PDE6A: variants seen among roughly 807,000 people sequenced by gnomAD.
PDE6A encodes the protein rod cGMP-specific 3',5'-cyclic phosphodiesterase subunit alpha.
A neutral mutation model predicts 106.3 loss-of-function variants in PDE6A; 84 were observed. That is an observed-to-expected ratio of 0.79 (90% confidence interval 0.66 to 0.95). The LOEUF is 0.95. PDE6A is among the 40% of genes least tolerant of loss of function. The pLI is 0.00. For synonymous variants in PDE6A, 394 were observed against 386.6 expected (o/e 1.02, Z -0.23); for missense variants, 1,052 against 1,084.9 (o/e 0.97, Z 0.43).
At position 149,886,986 on chromosome 5, in the gene PDE6A, C is replaced by T. The variant is rs144863407; in HGVS notation, c.1729-612G>A. Among the ~76,000 whole-genome samples the T allele has an allele frequency of 2.8e-3, 419 of 152,232 alleles. 1 individual carries two copies. Among genetic ancestry groups the T allele is most frequent in the African/African-American group, 9.3e-3 (387 of 41,528 alleles). Reference sequence around the variant, plus strand: ...GTAGCCTGGTCAGAATTCCTGCTTCCGGGCCCTAGCACCTACTCTGGCCTG... The same window carrying T: ...GTAGCCTGGTCAGAATTCCTGCTTCTGGGCCCTAGCACCTACTCTGGCCTG... On this transcript the variant is annotated intron_variant, in intron 13 of 21. Coordinates refer to ENST00000255266, the MANE Select transcript of PDE6A (RefSeq NM_000440.3).
intron 5 of PDE6A, among the ~76,000 whole-genome samples, chr5:149,915,535 C>T (rs375604147): frequency 6.6e-6 from 1 of 152,192 alleles, no homozygotes. Context: ...TTCTGGTGCT[C>T]CCTGTCCTCT....
intron 13 of PDE6A, among the ~76,000 whole-genome samples, chr5:149,889,840 G>A (rs1297856410): frequency 3.3e-5 from 5 of 149,952 alleles, no homozygotes; most frequent in Non-Finnish European, 1.5e-5. Flanking sequence ...CCAGGAAGCA[G>A]AGGTTGCAGT....
rs751895061 is a variant in PDE6A, at chr5:149,883,547, T to A, written c.2028-11A>T. On this transcript the variant is annotated splice_polypyrimidine_tract_variant and intron_variant, in intron 16 of 21. Transcript: ENST00000255266. ...AACATCGTCCTCTTCCTACAAAACA[T>A]ATCAGTCTAGTAAAGGGAGCAAGTC... The A allele has an allele frequency of 1.3e-6, 2 of 1,577,210 alleles. No homozygotes were observed. The highest frequency in any genetic ancestry group is 2.7e-5 in the African/African-American group (2 of 74,166).
chr5:149,895,974 A>AC (rs1475119925), intron 12 of PDE6A, among the ~76,000 whole-genome samples: 1 of 152,110 alleles, frequency 6.6e-6, no homozygotes, highest in African/African-American at 2.4e-5. Context: ...GTCCCCCATG[A>AC]CCCTAGACTC....
At chr5:149,924,721 A>C (rs1753825043) in intron 4 of PDE6A, among the ~76,000 whole-genome samples, 1 of 152,240 alleles carries the variant, frequency 6.6e-6, no homozygotes, top group African/African-American at 2.4e-5. Flanking sequence ...TATAGCCGGC[A>C]AGGCAGCAGG....
intron 17 of PDE6A, among the ~76,000 whole-genome samples, chr5:149,881,193 T>C (rs1760907715): frequency 6.6e-6 from 1 of 152,164 alleles, no homozygotes. Context: ...GTTTGGAGTT[T>C]CCTCAAAGAA....
chr5:149,914,862 A>G (rs1452399449), intron 6 of PDE6A, 81 bp downstream of exon 6: 1 of 932,276 alleles, frequency 1.1e-6, no homozygotes, highest in Non-Finnish European at 1.8e-6. Flanking sequence ...AGTGTTGCCC[A>G]ATTCCAGAAT....
At chr5:149,883,291 C>T in intron 17 of PDE6A, 138 bp downstream of exon 17, 1 of 687,440 alleles carries the variant, frequency 1.5e-6, no homozygotes. Flanking sequence ...TTTGGCATAA[C>T]TTCATTTTTT....
chr5:149,876,628 CA>C (rs1254825919), intron 17 of PDE6A, among the ~76,000 whole-genome samples: 2 of 152,024 alleles, frequency 1.3e-5, no homozygotes, highest in African/African-American at 4.8e-5. Flanking sequence ...TCAGCCTCCA[CA>C]GTAGCTGGGA....
At chr5:149,903,245 T>C (rs376178442) in intron 8 of PDE6A, among the ~76,000 whole-genome samples, 1 of 150,514 alleles carries the variant, frequency 6.6e-6, no homozygotes, top group East Asian at 1.9e-4. Flanking sequence ...ACAACTTTAA[T>C]GTCTGAATCT....
chr5:149,872,971 A>G (rs1179147933), intron 17 of PDE6A, among the ~76,000 whole-genome samples: 1 of 152,216 alleles, frequency 6.6e-6, no homozygotes, highest in Non-Finnish European at 1.5e-5. Flanking sequence ...GCAGCCGTAG[A>G]TAAGCACAGC....
intron 4 of PDE6A, among the ~76,000 whole-genome samples, chr5:149,928,904 C>A (rs1581207792): frequency 6.6e-6 from 1 of 152,162 alleles, no homozygotes; most frequent in East Asian, 1.9e-4. Context: ...AAATATTCAA[C>A]CTCATCAGTC....
At chr5:149,907,242 G>C in intron 7 of PDE6A, 70 bp downstream of exon 7, 1 of 1,160,920 alleles carries the variant, frequency 8.6e-7, no homozygotes, top group East Asian at 2.3e-5. Context: ...CTCTCTTCTT[G>C]ATCTGAAATC....
intron 4 of PDE6A, among the ~76,000 whole-genome samples, chr5:149,923,187 T>C (rs1164726832): frequency 6.6e-6 from 1 of 152,164 alleles, no homozygotes; most frequent in Non-Finnish European, 1.5e-5. Flanking sequence ...ATAAACTCTG[T>C]TGAATTTGTT....
Position 149,895,172 on chromosome 5 carries a change from C to T in PDE6A, c.1728+11G>A. On this transcript the variant is annotated intron_variant, in intron 13 of 21. Transcript: ENST00000255266. ...AAGCCCACCCTACCAGCCCCACCGGCCCCGCCATACCACCAGCAGGGAGAA... is the reference window on the plus strand; with the variant it reads ...AAGCCCACCCTACCAGCCCCACCGGTCCCGCCATACCACCAGCAGGGAGAA... 6.3e-7 allele frequency: 1 copy of T among 1,586,148 alleles called. No individual in the cohort carries two copies. The highest frequency in any genetic ancestry group is 1.1e-5 in the South Asian group (1 of 90,538).
At position 149,933,977 on chromosome 5, in the gene PDE6A, C is replaced by G. The variant is rs750894913; in HGVS notation, c.670G>C (p.Val224Leu). 1.2e-6 allele frequency: 2 copies of G among 1,613,730 alleles called. No homozygotes were observed. Among genetic ancestry groups the G allele is most frequent in the East Asian group, 2.2e-5 (1 of 44,896 alleles). The change falls in exon 3 of 22, where the codon GTG becomes CTG. Residue 224 changes from valine (V) to leucine (L), a missense_variant. Val to Leu is a conservative substitution (Grantham distance 32). Coordinates refer to ENST00000255266, the MANE Select transcript of PDE6A (RefSeq NM_000440.3). ...YLNFANLIMKVYHLSYLHNCE... is the reference protein window; with the variant it reads ...YLNFANLIMKLYHLSYLHNCE... ...TTGTGCAGGTAACTCAGGTGGTACA[C>G]CTTCATGATTAGATTTGCAAAATTG...
chr5:149,926,944 C>T (rs1217347409), intron 4 of PDE6A, among the ~76,000 whole-genome samples: 2 of 147,124 alleles, frequency 1.4e-5, no homozygotes, highest in Admixed American at 6.9e-5. Flanking sequence ...TGCCATTGCA[C>T]TCCAGCCTGG....
At chr5:149,890,066 C>T (rs1752489820) in intron 13 of PDE6A, among the ~76,000 whole-genome samples, 1 of 151,410 alleles carries the variant, frequency 6.6e-6, no homozygotes, top group Admixed American at 6.6e-5. Flanking sequence ...AGTGATTCTC[C>T]TGCCTCACCC....
chr5:149,897,349 T>C (rs553590600), intron 10 of PDE6A, among the ~76,000 whole-genome samples: 27 of 152,352 alleles, frequency 1.8e-4, no homozygotes, highest in Non-Finnish European at 3.5e-4. Context: ...TCCTGATTTC[T>C]TGACCCAGAG....
Sources: gnomAD v4.1 joint callset for allele counts (sites outside exome capture counted in the v4.1 genomes callset) on GRCh38, gnomAD v4.1.1 for gene constraint, MANE v1.5 for transcripts, NCBI Gene and HGNC (gene_info 2026-07-23, HGNC 2026-07-21) for gene names.